LRRC4C: variants seen among roughly 807,000 people sequenced by gnomAD.
The protein encoded by LRRC4C is leucine rich repeat containing 4C, also known as leucine-rich repeat-containing protein 4C.
A neutral mutation model predicts 33.6 loss-of-function variants in LRRC4C; 5 were observed. The ratio of observed to expected loss-of-function variants is 0.15; its 90% CI spans 0.08 to 0.31. The LOEUF (loss-of-function observed/expected upper bound fraction) is 0.31, where lower values mean the gene tolerates loss of function less well. Ranked by LOEUF, LRRC4C falls within the 10% of genes least tolerant of loss-of-function variation. The pLI, the probability that LRRC4C is intolerant of heterozygous loss-of-function variation, is 1.00. For synonymous variants in LRRC4C, 329 were observed against 302.0 expected, an observed-to-expected ratio of 1.09 and a Z score of -0.93; for missense variants, 560 against 796.7, an observed-to-expected ratio of 0.70 and a Z score of 3.58.
intron 5 of LRRC4C, among the ~76,000 whole-genome samples, chr11:40,157,863 A>C (rs371859922): frequency 6.6e-6 from 1 of 152,190 alleles, no homozygotes; most frequent in Non-Finnish European, 1.5e-5. Flanking sequence ...TTCCTTAAAA[A>C]AACTAAAGGT....
At position 41,130,337 on chromosome 11, in the gene LRRC4C, C is replaced by A. The variant is rs546402251; in HGVS notation, c.-495-196614G>T. Among the ~76,000 whole-genome samples, 21 of 151,796 alleles carry A rather than the reference C, an allele frequency of 1.4e-4. No homozygotes were observed. In the South Asian group the frequency reaches 3.9e-3, roughly 28 times the overall value. ...TTTTATATTACTTGTCTTATTTTAT[C>A]AAAAAAATCTTCACTATTCTTCTTT... On this transcript the variant is annotated intron_variant, in intron 1 of 6. Coordinates refer to ENST00000528697, the MANE Select transcript of LRRC4C (RefSeq NM_001258419.2).
In LRRC4C at chr11:40,313,739, C is replaced by T. The variant is rs986583043; in HGVS notation, c.-176+5889G>A. Among the ~76,000 whole-genome samples, 5 of 150,864 alleles carry T rather than the reference C, an allele frequency of 3.3e-5. No individual in the cohort carries two copies. In the South Asian group the frequency reaches 6.3e-4, roughly 19 times the overall value. On this transcript the variant is annotated intron_variant, in intron 4 of 6. Transcript: ENST00000528697. ...TCTCTTGCCTCAGTCTCCCAAGTAG[C>T]TGGGACTACAGGCGCCCGCCATCAT...
intron 3 of LRRC4C, among the ~76,000 whole-genome samples, chr11:40,599,530 G>A (rs1428368375): frequency 2.0e-5 from 3 of 151,916 alleles, no homozygotes; most frequent in African/African-American, 7.3e-5. Flanking sequence ...CTCATTTTTT[G>A]ACCATGTTTT....
intron 3 of LRRC4C, among the ~76,000 whole-genome samples, chr11:40,346,815 T>G (rs1399884330): frequency 6.6e-6 from 1 of 152,228 alleles, no homozygotes; most frequent in Non-Finnish European, 1.5e-5. Flanking sequence ...AATCGTTTTT[T>G]GTTTTCCTGA....
intron 1 of LRRC4C, among the ~76,000 whole-genome samples, chr11:41,341,776 A>G (rs1951646450): frequency 6.6e-6 from 1 of 152,234 alleles, no homozygotes; most frequent in Non-Finnish European, 1.5e-5. Context: ...AGTTTCAGGT[A>G]AACCATGCCC....
At chr11:41,263,401 A>G (rs1403622667) in intron 1 of LRRC4C, among the ~76,000 whole-genome samples, 1 of 152,174 alleles carries the variant, frequency 6.6e-6, no homozygotes, top group Non-Finnish European at 1.5e-5. Context: ...GGCCTTGACT[A>G]GAACATACAA....
At chr11:40,846,864 G>T (rs1264074118) in intron 2 of LRRC4C, among the ~76,000 whole-genome samples, 1 of 151,904 alleles carries the variant, frequency 6.6e-6, no homozygotes, top group Non-Finnish European at 1.5e-5. Flanking sequence ...TCTTTGAAGA[G>T]GCCCTTCACA....
At chr11:40,226,106 T>C (rs182744048) in intron 5 of LRRC4C, among the ~76,000 whole-genome samples, 1 of 152,340 alleles carries the variant, frequency 6.6e-6, no homozygotes, top group African/African-American at 2.4e-5. Flanking sequence ...AAAAAGTACA[T>C]TGAAGCTCAG....
chr11:40,193,661 G>T (rs1862025778), intron 5 of LRRC4C, among the ~76,000 whole-genome samples: 2 of 152,108 alleles, frequency 1.3e-5, no homozygotes, highest in African/African-American at 4.8e-5. Context: ...ACTCATCCAA[G>T]CTAAAGGAGC....
At chr11:40,125,058 G>A (rs1463905946) in intron 6 of LRRC4C, among the ~76,000 whole-genome samples, 1 of 151,968 alleles carries the variant, frequency 6.6e-6, no homozygotes, top group African/African-American at 2.4e-5. Flanking sequence ...CAAAAAAGTA[G>A]CAGGTTGTCT....
At chr11:40,834,687 T>G (rs1218764672) in intron 2 of LRRC4C, among the ~76,000 whole-genome samples, 1 of 152,054 alleles carries the variant, frequency 6.6e-6, no homozygotes, top group Non-Finnish European at 1.5e-5. Flanking sequence ...AACGATTCCA[T>G]AAATCCCTTT....
At chr11:40,643,403 A>T (rs552904753) in intron 3 of LRRC4C, among the ~76,000 whole-genome samples, 2 of 152,234 alleles carry the variant, frequency 1.3e-5, no homozygotes, top group South Asian at 4.2e-4. Context: ...AATTTCCATC[A>T]GGGTAGCGTC....
Position 40,844,635 on chromosome 11 carries a change from G to A in LRRC4C, c.-407+89000C>T, listed in dbSNP as rs370897924. Among the ~76,000 whole-genome samples the A allele has an allele frequency of 1.8e-4, 28 of 152,220 alleles. No homozygotes were observed. The South Asian group carries it at 5.2e-3, about 28-fold the overall frequency. On this transcript the variant is annotated intron_variant, in intron 2 of 6. Transcript: ENST00000528697. ...TCTTGAGGCCAGACCTGTATCTAGAGTTTTAGTGCTTTTTGTTTTTGTTTT... is the reference window on the plus strand; with the variant it reads ...TCTTGAGGCCAGACCTGTATCTAGAATTTTAGTGCTTTTTGTTTTTGTTTT...
intron 2 of LRRC4C, among the ~76,000 whole-genome samples, chr11:40,837,057 A>G (rs1472909024): frequency 6.6e-6 from 1 of 152,066 alleles, no homozygotes; most frequent in Non-Finnish European, 1.5e-5. Context: ...GTTTGTTTGT[A>G]TTGGACATTT....
intron 1 of LRRC4C, among the ~76,000 whole-genome samples, chr11:41,350,606 G>A (rs1951950351): frequency 6.6e-6 from 1 of 151,932 alleles, no homozygotes; most frequent in Non-Finnish European, 1.5e-5. Context: ...TCCATCACAT[G>A]GGCATCTCAG....
At chr11:41,042,419 T>A (rs537713293) in intron 1 of LRRC4C, among the ~76,000 whole-genome samples, 1 of 152,138 alleles carries the variant, frequency 6.6e-6, no homozygotes, top group Admixed American at 6.5e-5. Context: ...TTTTCTCTAA[T>A]TTACAATGTT....
At position 40,939,073 on chromosome 11, in the gene LRRC4C, T is replaced by G. The variant is rs188395497; in HGVS notation, c.-495-5350A>C. Among the ~76,000 whole-genome samples the G allele has an allele frequency of 4.7e-3, 718 of 152,300 alleles. 6 individuals are homozygous for G. The highest frequency in any genetic ancestry group is 0.016 in the African/African-American group (674 of 41,568). Reference sequence around the variant, plus strand: ...AAGGAAATTCTAAAATAACGATTATTCTGTGATGATACATATGTCCATGTA... The same window carrying G: ...AAGGAAATTCTAAAATAACGATTATGCTGTGATGATACATATGTCCATGTA... On this transcript the variant is annotated intron_variant, in intron 1 of 6. Transcript: ENST00000528697.
At position 41,276,867 on chromosome 11, in the gene LRRC4C, T is replaced by C. The variant is rs1049858469; in HGVS notation, c.-496+182564A>G. Among the ~76,000 whole-genome samples the C allele has an allele frequency of 2.6e-5, 4 of 152,140 alleles. No homozygotes were observed. The South Asian group carries it at 8.3e-4, about 32-fold the overall frequency. On this transcript the variant is annotated intron_variant, in intron 1 of 6. Coordinates refer to ENST00000528697, the MANE Select transcript of LRRC4C (RefSeq NM_001258419.2). ...CTGGAAGCTAGAAAAGGCAAGTGAATAGATTATCCCTTTAGAGACTCCAGG... is the reference window on the plus strand; with the variant it reads ...CTGGAAGCTAGAAAAGGCAAGTGAACAGATTATCCCTTTAGAGACTCCAGG...
At chr11:41,249,255 C>T (rs1031915570) in intron 1 of LRRC4C, among the ~76,000 whole-genome samples, 10 of 152,010 alleles carry the variant, frequency 6.6e-5, no homozygotes, top group African/African-American at 1.7e-4. Flanking sequence ...AGGATGGTCT[C>T]GATCTCCTGG....
Sources: gnomAD v4.1 joint callset for allele counts (sites outside exome capture counted in the v4.1 genomes callset) on GRCh38, gnomAD v4.1.1 for gene constraint, MANE v1.5 for transcripts, NCBI Gene and HGNC (gene_info 2026-07-23, HGNC 2026-07-21) for gene names.